Variants in PAPPA2 observed in about 807,000 individuals in gnomAD.
PAPPA2 encodes the protein pappalysin 2, also known as pappalysin-2.
PAPPA2 carries 86 observed loss-of-function variants against 176.4 expected under a neutral mutation model. That is an observed-to-expected ratio of 0.49 (90% CI 0.41 to 0.58). PAPPA2 has a LOEUF of 0.58. Ranked by LOEUF, PAPPA2 falls within the 20% of genes least tolerant of loss-of-function variation. PAPPA2 has a pLI of 0.00. For synonymous variants in PAPPA2, 809 were observed against 852.2 expected (o/e 0.95, Z 0.88); for missense variants, 2,073 against 2,256.9 (o/e 0.92, Z 1.65).
At chr1:176,807,123 A>C (rs1240863599) in intron 21 of PAPPA2, among the ~76,000 whole-genome samples, 2 of 152,230 alleles carry the variant, frequency 1.3e-5, no homozygotes, top group African/African-American at 4.8e-5. Flanking sequence ...CTGTGTGAAT[A>C]TTTGATAAAC....
chr1:176,711,868 C>G lies in PAPPA2; in HGVS notation c.3685C>G (p.His1229Asp). The G allele has an allele frequency of 1.2e-6, 2 of 1,612,288 alleles. No individual in the cohort carries two copies. Residue 1229 changes from histidine to aspartate, a missense_variant, in exon 12 of 23, where the codon CAC (histidine) becomes GAC (aspartate). His to Asp is a moderately conservative substitution (Grantham distance 81). This residue lies in a region of PAPPA2 where 846 missense variants were observed against 857.9 expected (regional missense o/e 0.99). Transcript: ENST00000367662. ...ATCATACCATCCAGATTTACCCAAC[C>G]ACCGTCCCCTAACTGGCTGGTTTCC... ...CTSYHPDLPNHRPLTGWFPCV... is the reference protein window; with the variant it reads ...CTSYHPDLPNDRPLTGWFPCV...
At chr1:176,617,098 C>T (rs531400277) in intron 3 of PAPPA2, among the ~76,000 whole-genome samples, 1 of 152,286 alleles carries the variant, frequency 6.6e-6, no homozygotes, top group East Asian at 1.9e-4. Flanking sequence ...GATAACCACT[C>T]TTATAGGGGC....
At position 176,692,319 on chromosome 1, in the gene PAPPA2, G is replaced by A. The variant is rs765420434; in HGVS notation, c.2624+1G>A. 2 of 1,602,224 alleles carry A rather than the reference G, an allele frequency of 1.2e-6. No homozygotes were observed. The highest frequency in any genetic ancestry group is 1.1e-5 in the South Asian group (1 of 90,408). ...CTATTAGTGGAGTTGTATATGACAG[G>A]TGAGAGAGGCACTGGCTGTGGGTGA... is the stretch of plus-strand genomic sequence containing the variant. On this transcript the variant is annotated splice_donor_variant, in intron 6 of 22. Transcript: ENST00000367662. LOFTEE classifies it high-confidence loss of function.
intron 1 of PAPPA2, among the ~76,000 whole-genome samples, chr1:176,541,802 T>C (rs1419377186): frequency 6.6e-6 from 1 of 152,234 alleles, no homozygotes; most frequent in Non-Finnish European, 1.5e-5. Flanking sequence ...CCAAGAGTTG[T>C]TCTCCATTTT....
intron 1 of PAPPA2, among the ~76,000 whole-genome samples, chr1:176,508,161 G>T (rs1648395953): frequency 6.6e-6 from 1 of 152,126 alleles, no homozygotes; most frequent in Non-Finnish European, 1.5e-5. Context: ...CCAGAACAAA[G>T]TGTAGCACTC....
intron 15 of PAPPA2, among the ~76,000 whole-genome samples, chr1:176,768,496 C>A (rs1664077378): frequency 6.6e-6 from 1 of 152,194 alleles, no homozygotes; most frequent in African/African-American, 2.4e-5. Context: ...TTCTTTCCAA[C>A]CATTACAGAA....
chr1:176,789,281 TC>T (rs1380209714), intron 17 of PAPPA2, among the ~76,000 whole-genome samples: 1 of 152,086 alleles, frequency 6.6e-6, no homozygotes, highest in Non-Finnish European at 1.5e-5. Flanking sequence ...AAACCATCAT[TC>T]TCAGCAAACT....
intron 14 of PAPPA2, among the ~76,000 whole-genome samples, chr1:176,761,741 A>T (rs547891937): frequency 4.7e-4 from 71 of 152,154 alleles, no homozygotes; most frequent in African/African-American, 1.6e-3. Context: ...CAGCCTGAGG[A>T]TTTTCCTCTG....
intron 2 of PAPPA2, 132 bp downstream of exon 2, chr1:176,557,373 GGGGAA>G (rs1651383252): frequency 2.9e-6 from 3 of 1,032,346 alleles, no homozygotes; most frequent in Non-Finnish European, 4.1e-6. Context: ...CCAGGGAGAG[GGGGAA>G]GGGCCTTTAT....
At chr1:176,753,134 AGGT>A (rs1163679130) in intron 14 of PAPPA2, among the ~76,000 whole-genome samples, 1 of 152,216 alleles carries the variant, frequency 6.6e-6, no homozygotes, top group Non-Finnish European at 1.5e-5. Context: ...AGGTAGACTC[AGGT>A]GTGAAAATGT....
chr1:176,529,448 C>T lies in PAPPA2; in HGVS notation c.-916-25959C>T, dbSNP rs557298912. Among the ~76,000 whole-genome samples, 3 of 58,874 alleles carry T rather than the reference C, an allele frequency of 5.1e-5. No individual in the cohort carries two copies. In the East Asian group the frequency reaches 1.2e-3, roughly 24 times the overall value. 38.6% of individuals were successfully genotyped at this position (58,874 alleles called of 152,430 possible). On this transcript the variant is annotated intron_variant, in intron 1 of 22. Transcript: ENST00000367662. ...TAGGGGAATGCTTTGGATCTGATCT[C>T]CTGGCTGCCGATTTCACCGAGATCC...
At chr1:176,715,743 G>C (rs1217811978) in intron 12 of PAPPA2, among the ~76,000 whole-genome samples, 1 of 152,236 alleles carries the variant, frequency 6.6e-6, no homozygotes, top group Admixed American at 6.5e-5. Context: ...AATTGGGGCA[G>C]TAATAAGACT....
Position 176,791,340 on chromosome 1 carries a change from A to G in PAPPA2, c.4885-7A>G. Reference sequence around the variant, plus strand: ...AATAATTAAGATGTTTACTTTTGATATTCTAGCTTCCCATCCTCTGCACTA... The same window carrying G: ...AATAATTAAGATGTTTACTTTTGATGTTCTAGCTTCCCATCCTCTGCACTA... On this transcript the variant is annotated splice_polypyrimidine_tract_variant and splice_region_variant and intron_variant, in intron 18 of 22. Transcript: ENST00000367662. 5 of 1,604,498 alleles carry G rather than the reference A, an allele frequency of 3.1e-6. No individual in the cohort carries two copies. Among genetic ancestry groups the G allele is most frequent in the Non-Finnish European group, 4.3e-6 (5 of 1,173,478 alleles).
intron 2 of PAPPA2, among the ~76,000 whole-genome samples, chr1:176,569,196 C>G (rs146373059): frequency 1.3e-5 from 2 of 152,208 alleles, no homozygotes; most frequent in South Asian, 2.1e-4. Context: ...CAATCATGCT[C>G]TCACACCATG....
intron 3 of PAPPA2, among the ~76,000 whole-genome samples, chr1:176,600,701 A>G (rs898941384): frequency 1.4e-5 from 2 of 146,302 alleles, no homozygotes; most frequent in Admixed American, 6.8e-5. Context: ...AAAAAAAATC[A>G]CAGAGCTCAA....
intron 2 of PAPPA2, among the ~76,000 whole-genome samples, chr1:176,584,328 G>T (rs867066940): frequency 6.6e-6 from 1 of 151,640 alleles, no homozygotes; most frequent in South Asian, 2.1e-4. Flanking sequence ...CTTGTATTGG[G>T]TGCATATATA....
At position 176,739,961 on chromosome 1, in the gene PAPPA2, C is replaced by A; in HGVS notation, c.3935-19C>A. ...ACTAACAATGGCTGAAAATATGATT[C>A]ATCTCCGTTTATCTTCAGGAACCTA... On this transcript the variant is annotated intron_variant, in intron 13 of 22. Transcript: ENST00000367662. 1.9e-6 allele frequency: 3 copies of A among 1,609,644 alleles called. No homozygotes were observed. The highest frequency in any genetic ancestry group is 2.6e-6 in the Non-Finnish European group (3 of 1,176,084).
chr1:176,774,234 A>C (rs560679543), intron 17 of PAPPA2, among the ~76,000 whole-genome samples: 24 of 151,944 alleles, frequency 1.6e-4, no homozygotes, highest in Non-Finnish European at 2.9e-4. Flanking sequence ...CATGATGCTC[A>C]TTCACCCTGT....
At chr1:176,709,753 T>C (rs1365668023) in intron 10 of PAPPA2, among the ~76,000 whole-genome samples, 2 of 152,150 alleles carry the variant, frequency 1.3e-5, no homozygotes, top group East Asian at 1.9e-4. Context: ...TCTGTACTTT[T>C]ATAATGTAGA....
Sources: gnomAD v4.1 joint callset for allele counts (sites outside exome capture counted in the v4.1 genomes callset) on GRCh38, gnomAD v4.1.1 for gene constraint, gnomAD v4.1.1 regional missense constraint, MANE v1.5 for transcripts, NCBI Gene and HGNC (gene_info 2026-07-23, HGNC 2026-07-21) for gene names.